Variants in PTPRO observed in about 807,000 individuals in gnomAD.
PTPRO encodes protein tyrosine phosphatase receptor type O.
Under a neutral mutation model 145.2 loss-of-function variants are expected in PTPRO, and 62 were observed. That is an observed-to-expected ratio of 0.43 (90% confidence interval 0.35 to 0.53). The LOEUF is 0.53. PTPRO is among the 20% of genes least tolerant of loss of function. PTPRO has a pLI of 0.01. For missense variants in PTPRO, 1,345 were observed against 1,482.7 expected, an observed-to-expected ratio of 0.91 and a Z score of 1.53; for synonymous variants, 565 against 514.7, an observed-to-expected ratio of 1.10 and a Z score of -1.32.
chr12:15,547,165 G>C (rs1943315467), intron 13 of PTPRO, among the ~76,000 whole-genome samples: 1 of 152,144 alleles, frequency 6.6e-6, no homozygotes, highest in Non-Finnish European at 1.5e-5. Flanking sequence ...CCACAAGACA[G>C]GTCCATTCGA....
At chr12:15,356,977 T>C (rs930401867) in intron 1 of PTPRO, among the ~76,000 whole-genome samples, 1 of 152,214 alleles carries the variant, frequency 6.6e-6, no homozygotes, top group Non-Finnish European at 1.5e-5. Flanking sequence ...GCCTTCATTC[T>C]ATTGTCTATC....
chr12:15,528,309 G>A (rs1163808828), intron 12 of PTPRO, among the ~76,000 whole-genome samples: 1 of 149,396 alleles, frequency 6.7e-6, no homozygotes, highest in Non-Finnish European at 1.5e-5. Flanking sequence ...GAGGTCAGGA[G>A]ATCAAGACCA....
intron 1 of PTPRO, chr12:15,440,279 C>G (rs999566462): frequency 3.4e-6 from 2 of 588,246 alleles, no homozygotes; most frequent in African/African-American, 1.9e-5. Context: ...CTACCTGACC[C>G]CCAACCTCCG....
At chr12:15,591,636 G>A (rs1158515916) in intron 25 of PTPRO, among the ~76,000 whole-genome samples, 1 of 151,892 alleles carries the variant, frequency 6.6e-6, no homozygotes, top group Non-Finnish European at 1.5e-5. Context: ...ATATCTCCGC[G>A]GACACAGCCT....
chr12:15,420,168 AAAAG>A (rs1940102723), intron 1 of PTPRO, among the ~76,000 whole-genome samples: 13 of 150,636 alleles, frequency 8.6e-5, no homozygotes, highest in Admixed American at 8.6e-4. Flanking sequence ...AAAAAAAAAA[AAAAG>A]AGTGTCCCCT....
intron 17 of PTPRO, among the ~76,000 whole-genome samples, chr12:15,563,997 C>G (rs1003367944): frequency 1.3e-5 from 2 of 152,160 alleles, no homozygotes; most frequent in African/African-American, 4.8e-5. Flanking sequence ...GAATAAAAAA[C>G]ATGATCAATA....
chr12:15,424,663 A>G (rs186896874), intron 1 of PTPRO, among the ~76,000 whole-genome samples: 1 of 152,134 alleles, frequency 6.6e-6, no homozygotes, highest in East Asian at 1.9e-4. Flanking sequence ...TCTTCTGATA[A>G]GGTTATGAAG....
At chr12:15,505,867 T>C (rs1942311096) in intron 6 of PTPRO, among the ~76,000 whole-genome samples, 5 of 152,228 alleles carry the variant, frequency 3.3e-5, no homozygotes, top group Admixed American at 3.3e-4. Flanking sequence ...ATAATTTACA[T>C]TTATGTAGCT....
chr12:15,457,575 C>A (rs1379933509), intron 1 of PTPRO, among the ~76,000 whole-genome samples: 1 of 151,660 alleles, frequency 6.6e-6, no homozygotes, highest in African/African-American at 2.4e-5. Context: ...TGGTTATCTT[C>A]CTTTGTATTT....
chr12:15,331,742 T>C (rs1866614446), intron 1 of PTPRO, among the ~76,000 whole-genome samples: 1 of 152,218 alleles, frequency 6.6e-6, no homozygotes, highest in Admixed American at 6.5e-5. Context: ...GCAATACTCT[T>C]GTATTGAATG....
chr12:15,347,280 A>C (rs910826679), intron 1 of PTPRO, among the ~76,000 whole-genome samples: 2 of 152,108 alleles, frequency 1.3e-5, no homozygotes, highest in Non-Finnish European at 2.9e-5. Context: ...TCCCAGCCTC[A>C]CTCAAGTGTA....
At chr12:15,358,319 C>CA (rs1189591412) in intron 1 of PTPRO, among the ~76,000 whole-genome samples, 1 of 151,144 alleles carries the variant, frequency 6.6e-6, no homozygotes, top group Non-Finnish European at 1.5e-5. Context: ...ACCAGCATGG[C>CA]ACATGTATAC....
At chr12:15,537,664 GT>G (rs374981379) in intron 12 of PTPRO, among the ~76,000 whole-genome samples, 1 of 152,298 alleles carries the variant, frequency 6.6e-6, no homozygotes, top group African/African-American at 2.4e-5. Context: ...ATTTTTGGTA[GT>G]TTTTTGTTTT....
intron 1 of PTPRO, among the ~76,000 whole-genome samples, chr12:15,356,704 C>G (rs1938000146): frequency 6.6e-6 from 1 of 152,094 alleles, no homozygotes; most frequent in African/African-American, 2.4e-5. Context: ...GAGAACTTAA[C>G]CTTTCTGAAA....
intron 2 of PTPRO, 116 bp downstream of exon 2, chr12:15,484,363 A>G: frequency 1.8e-6 from 2 of 1,123,356 alleles, no homozygotes; most frequent in South Asian, 2.7e-5. Flanking sequence ...CTTAATGCCA[A>G]GTGACGTAGA....
chr12:15,552,443 G>A (rs1943489804), intron 15 of PTPRO, among the ~76,000 whole-genome samples: 1 of 152,180 alleles, frequency 6.6e-6, no homozygotes, highest in Non-Finnish European at 1.5e-5. Context: ...CTGTCTCAGA[G>A]TTCTATCACT....
chr12:15,559,573 G>A (rs1006840227), intron 16 of PTPRO, among the ~76,000 whole-genome samples: 1 of 152,120 alleles, frequency 6.6e-6, no homozygotes, highest in African/African-American at 2.4e-5. Flanking sequence ...CTAAGTAGTT[G>A]ATGAGCTACT....
intron 1 of PTPRO, among the ~76,000 whole-genome samples, chr12:15,424,923 A>G (rs889307244): frequency 1.2e-4 from 18 of 152,110 alleles, no homozygotes; most frequent in African/African-American, 4.3e-4. Context: ...TGGGAGAAAG[A>G]GATGGCTTCC....
At chr12:15,401,878 T>G (rs1254567974) in intron 1 of PTPRO, among the ~76,000 whole-genome samples, 1 of 152,208 alleles carries the variant, frequency 6.6e-6, no homozygotes, top group Non-Finnish European at 1.5e-5. Context: ...GAGTATAAAT[T>G]GCATCTCATC....
Sources: gnomAD v4.1 joint callset for allele counts (sites outside exome capture counted in the v4.1 genomes callset) on GRCh38, gnomAD v4.1.1 for gene constraint, MANE v1.5 for transcripts, NCBI Gene and HGNC (gene_info 2026-07-23, HGNC 2026-07-21) for gene names.